FAHD2A: variants seen among roughly 807,000 people sequenced by gnomAD.
FAHD2A encodes the protein oxaloacetate tautomerase FAHD2A, mitochondrial.
A neutral mutation model predicts 33.4 loss-of-function variants in FAHD2A; 27 were observed. The observed-to-expected ratio is 0.81, with a 90% CI of 0.60 to 1.11. The LOEUF is 1.11. Ranked by LOEUF, FAHD2A falls within the 50% of genes most tolerant of loss-of-function variation. The pLI is 0.00. For missense variants in FAHD2A, 296 were observed against 395.0 expected, an observed-to-expected ratio of 0.75 and a Z score of 2.12; for synonymous variants, 130 against 153.3, an observed-to-expected ratio of 0.85 and a Z score of 1.12.
chr2:95,407,357 A>G (rs965282637), intron 3 of FAHD2A, 200 bp downstream of exon 3: 10 of 704,726 alleles, frequency 1.4e-5, no homozygotes, highest in Non-Finnish European at 2.1e-5. Context: ...AAAGCAATGC[A>G]CCTTCACTGT....
Position 95,413,254 on chromosome 2 carries a change from T to C in FAHD2A, c.*297T>C. ...ATATGCCAAAAAGATGCTGCTGGGC[T>C]GGGGAAAAGACAATTCGTGTCGTCC... On this transcript the variant is annotated 3_prime_UTR_variant, in exon 8 of 8. Coordinates refer to ENST00000233379, the MANE Select transcript of FAHD2A (RefSeq NM_016044.3). The C allele has an allele frequency of 7.8e-7, 1 of 1,283,898 alleles. No individual in the cohort carries two copies. The highest frequency in any genetic ancestry group is 2.6e-5 in the East Asian group (1 of 39,104). The allele number at this position is 1,283,898 out of a possible 1,614,324, so 79.5% of individuals were successfully genotyped here. A position where few individuals can be genotyped will look rare whatever the true frequency, so the allele number is the denominator to read the frequency against.
intron 3 of FAHD2A, among the ~76,000 whole-genome samples, chr2:95,408,436 A>G (rs1681966255): frequency 6.6e-6 from 1 of 152,188 alleles, no homozygotes; most frequent in Non-Finnish European, 1.5e-5. Context: ...TGATAAAGAC[A>G]TATCCGAGAC....
In FAHD2A at chr2:95,414,150, G is replaced by T. The variant is rs945362681; in HGVS notation, c.*1193G>T. The T allele has an allele frequency of 5.8e-6, 9 of 1,543,282 alleles. No homozygotes were observed. Among genetic ancestry groups the T allele is most frequent in the Non-Finnish European group, 7.9e-6 (9 of 1,137,798 alleles). On this transcript the variant is annotated 3_prime_UTR_variant, in exon 8 of 8. Transcript: ENST00000233379. ...TGGACAGAAGACTACTCTGCAGCCC[G>T]CCTTCCTAGAGTTGGGTTGTCACTG...
At chr2:95,405,348 C>T (rs1681350003) in intron 1 of FAHD2A, 5 of 616,702 alleles carry the variant, frequency 8.1e-6, no homozygotes, top group Middle Eastern at 4.3e-4. Flanking sequence ...GGACTTACTG[C>T]GTAGCATGTA....
chr2:95,418,616 A>G (rs1683272398), downstream of FAHD2A, among the ~76,000 whole-genome samples: 1 of 151,982 alleles, frequency 6.6e-6, no homozygotes, highest in Admixed American at 6.6e-5. Flanking sequence ...AGCTTCAGGA[A>G]GGAGGGAAAA....
In FAHD2A at chr2:95,410,259, G is replaced by A. The variant is rs561057842; in HGVS notation, c.463-268G>A. On this transcript the variant is annotated intron_variant, in intron 3 of 7. Coordinates refer to ENST00000233379, the MANE Select transcript of FAHD2A (RefSeq NM_016044.3). ...GAGTGACTTTTAAACTCAGTGCCCT[G>A]GACACGTGTTGCTCTTCTGCAGTCA... Among the ~76,000 whole-genome samples, 8 of 152,312 alleles carry A rather than the reference G, an allele frequency of 5.3e-5. No homozygotes were observed. The East Asian group carries it at 1.5e-3, about 29-fold the overall frequency.
chr2:95,410,457 G>A (rs1682285434), intron 3 of FAHD2A, 70 bp from the exon 4 acceptor site: 1 of 1,555,200 alleles, frequency 6.4e-7, no homozygotes, highest in Non-Finnish European at 8.7e-7. Flanking sequence ...TCAGCATGGT[G>A]TGCAGCCTCT....
At chr2:95,416,861 T>C (rs192229497), downstream of FAHD2A, among the ~76,000 whole-genome samples, 36 of 152,304 alleles carry the variant, frequency 2.4e-4, no homozygotes, top group African/African-American at 7.9e-4. Flanking sequence ...GAACACTCCT[T>C]CTTTCCCTCG....
At position 95,405,533 on chromosome 2, in the gene FAHD2A, TC is replaced by T; in HGVS notation, c.-6-18del. On this transcript the variant is annotated intron_variant, in intron 1 of 7. Coordinates refer to ENST00000233379, the MANE Select transcript of FAHD2A (RefSeq NM_016044.3). ...GCTCTGGGATCCTCTGTCTCCTGGA[TC>T]CTGCATTTTTCTCTGCAGGCTCTGA... is the stretch of plus-strand genomic sequence containing the variant. 6.3e-7 allele frequency: 1 copy of T among 1,598,006 alleles called. No individual in the cohort carries two copies. Among genetic ancestry groups the T allele is most frequent in the Non-Finnish European group, 8.6e-7 (1 of 1,169,350 alleles).
At chr2:95,412,080 C>A (rs1682610345) in intron 5 of FAHD2A, among the ~76,000 whole-genome samples, 1 of 152,164 alleles carries the variant, frequency 6.6e-6, no homozygotes, top group South Asian at 2.1e-4. Context: ...CATGAGCCAC[C>A]ACGCTTGGCC....
In FAHD2A at chr2:95,405,863, G is replaced by A. The variant is rs567958112; in HGVS notation, c.245+60G>A. 11 of 1,473,076 alleles carry A rather than the reference G, an allele frequency of 7.5e-6. No homozygotes were observed. The East Asian group carries it at 2.2e-4, about 30-fold the overall frequency. 91.3% of individuals were successfully genotyped at this position (1,473,076 alleles called of 1,614,324 possible). ...GCCCTGGTCCCCCTGCACCCTCCCCGCTCTGGGAAACAGCACCAGCAGGTA... is the reference window on the plus strand; with the variant it reads ...GCCCTGGTCCCCCTGCACCCTCCCCACTCTGGGAAACAGCACCAGCAGGTA... On this transcript the variant is annotated intron_variant, in intron 2 of 7. Transcript: ENST00000233379.
chr2:95,410,008 A>C (rs1682214199), intron 3 of FAHD2A, among the ~76,000 whole-genome samples: 1 of 152,230 alleles, frequency 6.6e-6, no homozygotes, highest in Non-Finnish European at 1.5e-5. Context: ...CACCAATTTT[A>C]AAGGCCAAAT....
downstream of FAHD2A, among the ~76,000 whole-genome samples, chr2:95,419,853 A>T (rs1204098851): frequency 6.6e-6 from 1 of 152,038 alleles, no homozygotes; most frequent in Non-Finnish European, 1.5e-5. Flanking sequence ...AGAGAGAGAC[A>T]CATTGAGAGA....
rs1297673464 is a variant in FAHD2A, at chr2:95,413,480, G to C, written c.*523G>C. 1.2e-6 allele frequency: 2 copies of C among 1,610,500 alleles called. No homozygotes were observed. The highest frequency in any genetic ancestry group is 1.7e-6 in the Non-Finnish European group (2 of 1,179,402). Reference sequence around the variant, plus strand: ...CTACAAGTGAACTGCCGGATGAACTGTTCTAGTTTTTCCTGATTGTCCAGG... The same window carrying C: ...CTACAAGTGAACTGCCGGATGAACTCTTCTAGTTTTTCCTGATTGTCCAGG... On this transcript the variant is annotated 3_prime_UTR_variant, in exon 8 of 8. Coordinates refer to ENST00000233379, the MANE Select transcript of FAHD2A (RefSeq NM_016044.3).
At position 95,415,163 on chromosome 2, in the gene FAHD2A, TA is replaced by T. The variant is rs1362834282; in HGVS notation, c.*2207del. 6.6e-6 allele frequency: 1 copy of T among 152,080 alleles called. No individual in the cohort carries two copies. The highest frequency in any genetic ancestry group is 1.5e-5 in the Non-Finnish European group (1 of 68,114). 9.4% of individuals were successfully genotyped at this position (152,080 alleles called of 1,614,324 possible). A position where few individuals can be genotyped will look rare whatever the true frequency, so the allele number is the denominator to read the frequency against. ...CCCAATGCACGAAGCCACCCCAAAA[TA>T]CAGCAGAGGACACCAGGACTTTCAT... On this transcript the variant is annotated 3_prime_UTR_variant, in exon 8 of 8. Coordinates refer to ENST00000233379, the MANE Select transcript of FAHD2A (RefSeq NM_016044.3).
downstream of FAHD2A, among the ~76,000 whole-genome samples, chr2:95,420,422 C>T (rs2551297): frequency 5.3e-5 from 8 of 152,092 alleles, no homozygotes; most frequent in Admixed American, 1.3e-4. Flanking sequence ...CCTCCAGTCT[C>T]CCATTTCCCA....
In FAHD2A at chr2:95,410,670, A is replaced by G. The variant is rs560568880; in HGVS notation, c.522+84A>G. 733 of 1,570,288 alleles carry G rather than the reference A, an allele frequency of 4.7e-4. 4 individuals are homozygous for G. The East Asian group carries it at 0.01, about 22-fold the overall frequency. On this transcript the variant is annotated intron_variant, in intron 4 of 7. Transcript: ENST00000233379. ...TCTCCTAGTTCTGACCCCACTCACC[A>G]ACACACGGTGCCAGCTGTCCCTGAC...
chr2:95,405,473 C>T, intron 1 of FAHD2A, 80 bp from the exon 2 acceptor site: 1 of 1,538,646 alleles, frequency 6.5e-7, no homozygotes, highest in Non-Finnish European at 8.8e-7. Flanking sequence ...GGGCCTCGGG[C>T]TATAGCCCTA....
chr2:95,406,900 T>C (rs1681659396), intron 2 of FAHD2A, 41 bp from the exon 3 acceptor site: 9 of 1,558,068 alleles, frequency 5.8e-6, no homozygotes, highest in Admixed American at 1.9e-5. Context: ...ATTGCCCACC[T>C]GTTCCCAGCC....
Sources: allele counts gnomAD v4.1 joint callset (sites outside exome capture counted in the v4.1 genomes callset), GRCh38; gene constraint gnomAD v4.1.1; transcripts MANE v1.5; gene names NCBI Gene and HGNC (gene_info 2026-07-23, HGNC 2026-07-21).